The following MAP3K7 variants were observed in gnomAD, a reference collection of about 807,000 sequenced individuals.
MAP3K7 encodes TGF-beta activated kinase 1.
Under a neutral mutation model 84.8 loss-of-function variants are expected in MAP3K7, and 21 were observed. The observed-to-expected ratio is 0.25, with a 90% CI of 0.18 to 0.36. The LOEUF (loss-of-function observed/expected upper bound fraction) is 0.36. Among genes scored for constraint, MAP3K7 ranks in the 10% least tolerant of loss-of-function variants. The pLI, the probability that MAP3K7 is intolerant of heterozygous loss-of-function variation, is 1.00. For synonymous variants in MAP3K7, 241 were observed against 247.7 expected (o/e 0.97, Z 0.25); for missense variants, 503 against 747.7 (o/e 0.67, Z 3.82).
chr6:90,531,956 G>GAAAAAAAA (rs796192167), intron 13 of MAP3K7, among the ~76,000 whole-genome samples: 2 of 118,516 alleles, frequency 1.7e-5, no homozygotes, highest in Non-Finnish European at 1.8e-5. Flanking sequence ...CTGTGTCTCG[G>GAAAAAAAA]AAAAAAAAAA....
intron 13 of MAP3K7, among the ~76,000 whole-genome samples, chr6:90,533,751 T>G (rs1448683068): frequency 6.6e-6 from 1 of 152,220 alleles, no homozygotes; most frequent in Non-Finnish European, 1.5e-5. Flanking sequence ...AATAAGACAG[T>G]AACATGCTCT....
In MAP3K7 at chr6:90,560,056, G is replaced by A. The variant is rs375552936; in HGVS notation, c.482+20C>T. On this transcript the variant is annotated intron_variant, in intron 5 of 16. Transcript: ENST00000369329. The stretch of plus-strand genomic sequence containing the variant: ...GAGAAGGAGGAAGAGGCTGAGGGGT[G>A]TCACATTATTATAACTTACTTTGGT... 15 of 1,614,046 alleles carry A rather than the reference G, an allele frequency of 9.3e-6. No homozygotes were observed. The South Asian group carries it at 1.5e-4, about 17-fold the overall frequency.
chr6:90,567,955 T>C (rs1383915777), intron 3 of MAP3K7, among the ~76,000 whole-genome samples: 1 of 152,116 alleles, frequency 6.6e-6, no homozygotes, highest in Non-Finnish European at 1.5e-5. Flanking sequence ...GAGCAAACTA[T>C]TGCAAGGACA....
chr6:90,523,842 A>G, intron 13 of MAP3K7, 59 bp from the exon 14 acceptor site: 3 of 1,023,488 alleles, frequency 2.9e-6, no homozygotes, highest in Non-Finnish European at 4.6e-6. Context: ...AAAAATGACG[A>G]GAACGTTTCC....
intron 12 of MAP3K7, among the ~76,000 whole-genome samples, chr6:90,537,940 C>T (rs573106318): frequency 3.3e-5 from 5 of 151,960 alleles, no homozygotes; most frequent in East Asian, 1.9e-4. Context: ...AGGAACCACC[C>T]GACACATGTG....
chr6:90,537,940 C>CG (rs1775731712), intron 12 of MAP3K7, among the ~76,000 whole-genome samples: 1 of 151,842 alleles, frequency 6.6e-6, no homozygotes, highest in Non-Finnish European at 1.5e-5. Context: ...AGGAACCACC[C>CG]GACACATGTG....
intron 5 of MAP3K7, among the ~76,000 whole-genome samples, chr6:90,557,942 C>T (rs1776385327): frequency 6.6e-6 from 1 of 152,116 alleles, no homozygotes; most frequent in Non-Finnish European, 1.5e-5. Flanking sequence ...AAACACCTCC[C>T]TAGATCATCA....
chr6:90,586,753 G>T lies in MAP3K7; in HGVS notation c.120+11C>A, dbSNP rs767661018. 70 of 1,577,234 alleles carry T rather than the reference G, an allele frequency of 4.4e-5. No individual in the cohort carries two copies. Among genetic ancestry groups the T allele is most frequent in the Non-Finnish European group, 5.4e-5 (63 of 1,161,540 alleles). ...GCCGGGACCGGCGTCTCCATGCCGG[G>T]CCTCGCTCACCTCTTCCACCTCGAT... On this transcript the variant is annotated intron_variant, in intron 1 of 16. Coordinates refer to ENST00000369329, the MANE Select transcript of MAP3K7 (RefSeq NM_145331.3).
chr6:90,547,129 T>C (rs1776026044), intron 11 of MAP3K7, 129 bp downstream of exon 11: 3 of 932,454 alleles, frequency 3.2e-6, no homozygotes, highest in Admixed American at 2.8e-5. Context: ...TAGAAAAATA[T>C]ATTGTAAACC....
In MAP3K7 at chr6:90,514,610, T is replaced by G. The variant is rs958693084; in HGVS notation, c.*1891A>C. The G allele has an allele frequency of 2.0e-5, 3 of 152,032 alleles. No individual in the cohort carries two copies. Among genetic ancestry groups the G allele is most frequent in the African/African-American group, 7.2e-5 (3 of 41,418 alleles). 9.4% of individuals were successfully genotyped at this position (152,032 alleles called of 1,614,324 possible). A position where few individuals can be genotyped will look rare whatever the true frequency, so the allele number is the denominator to read the frequency against. ...ATGACTATAAATAAAATCTGAAATC[T>G]CGAATGCTAAATCCTAATGGAAACA... On this transcript the variant is annotated 3_prime_UTR_variant, in exon 17 of 17. Coordinates refer to ENST00000369329, the MANE Select transcript of MAP3K7 (RefSeq NM_145331.3).
At chr6:90,583,414 T>A (rs752719062) in intron 1 of MAP3K7, among the ~76,000 whole-genome samples, 9 of 152,182 alleles carry the variant, frequency 5.9e-5, no homozygotes, top group Non-Finnish European at 1.3e-4. Flanking sequence ...TACCATTTAC[T>A]TAGGCATGCG....
intron 3 of MAP3K7, among the ~76,000 whole-genome samples, chr6:90,568,164 G>A (rs978641747): frequency 3.3e-5 from 5 of 152,152 alleles, no homozygotes; most frequent in South Asian, 4.1e-4. Flanking sequence ...GTATACATAC[G>A]TAACAAACCT....
chr6:90,581,636 T>A (rs1008884598), intron 1 of MAP3K7, among the ~76,000 whole-genome samples: 5 of 152,262 alleles, frequency 3.3e-5, no homozygotes, highest in African/African-American at 1.2e-4. Context: ...AATATGCTCA[T>A]GCTATCTTTT....
Position 90,536,346 on chromosome 6 carries a change from T to C in MAP3K7, c.1347A>G (p.Glu449=). 6.2e-7 allele frequency: 1 copy of C among 1,611,730 alleles called. No individual in the cohort carries two copies. Among genetic ancestry groups the C allele is most frequent in the Non-Finnish European group, 8.5e-7 (1 of 1,178,142 alleles). The change falls in exon 13 of 17, where the codon GAA becomes GAG. Residue 449 remains glutamate (E), a synonymous_variant. Coordinates refer to ENST00000369329, the MANE Select transcript of MAP3K7 (RefSeq NM_145331.3). ...TTGAATGTTGTCTTACCTGACCAGG[T>C]TCTGTTCCAGTTACAGTCAAGTCTT... ...SIQDLTVTGT[E]PGQVSSRSSS...
At chr6:90,577,939 C>T (rs1777141318) in intron 1 of MAP3K7, among the ~76,000 whole-genome samples, 1 of 152,208 alleles carries the variant, frequency 6.6e-6, no homozygotes, top group Non-Finnish European at 1.5e-5. Context: ...CCAGAGAGCT[C>T]TCCCTTGCTG....
intron 2 of MAP3K7, among the ~76,000 whole-genome samples, chr6:90,571,424 G>A (rs984315966): frequency 5.3e-5 from 8 of 151,870 alleles, no homozygotes; most frequent in South Asian, 2.1e-4. Context: ...AAAATATTAC[G>A]CCTTGAAATA....
chr6:90,516,098 G>A lies in MAP3K7; in HGVS notation c.*403C>T, dbSNP rs1774951642. 5.7e-6 allele frequency: 1 copy of A among 175,820 alleles called. No homozygotes were observed. Among genetic ancestry groups the A allele is most frequent in the Non-Finnish European group, 1.2e-5 (1 of 83,728 alleles). The allele number at this position is 175,820 out of a possible 1,614,324, so 10.9% of individuals were successfully genotyped here. On this transcript the variant is annotated 3_prime_UTR_variant, in exon 17 of 17. Transcript: ENST00000369329. ...GGGAAAAAAATTATTAATATTTTGAGATGAGATACAAGAATAAAGTCATTC... is the reference window on the plus strand; with the variant it reads ...GGGAAAAAAATTATTAATATTTTGAAATGAGATACAAGAATAAAGTCATTC...
At chr6:90,542,954 C>T (rs1775898470) in intron 12 of MAP3K7, among the ~76,000 whole-genome samples, 1 of 151,892 alleles carries the variant, frequency 6.6e-6, no homozygotes, top group African/African-American at 2.4e-5. Context: ...TTATTTTTCC[C>T]TCCCCCATTA....
chr6:90,569,556 C>T (rs1211138841), intron 2 of MAP3K7, among the ~76,000 whole-genome samples: 1 of 152,164 alleles, frequency 6.6e-6, no homozygotes. Flanking sequence ...TCTTGGGTCA[C>T]TGCAACCTCT....
Sources: gnomAD v4.1 joint callset for allele counts (sites outside exome capture counted in the v4.1 genomes callset) on GRCh38, gnomAD v4.1.1 for gene constraint, MANE v1.5 for transcripts, NCBI Gene and HGNC (gene_info 2026-07-23, HGNC 2026-07-21) for gene names.